Variants in OSBPL2 observed in about 807,000 individuals in gnomAD.
OSBPL2 encodes oxysterol-binding protein-related protein 2.
In OSBPL2, 18 loss-of-function variants were observed where a neutral mutation model predicts 58.4. The ratio of observed to expected loss-of-function variants is 0.31; its 90% CI spans 0.21 to 0.46. The LOEUF is 0.46. OSBPL2 is among the 20% of genes least tolerant of loss of function. OSBPL2 has a pLI of 1.00. For synonymous variants in OSBPL2, 221 were observed against 234.1 expected (o/e 0.94, Z 0.51); for missense variants, 461 against 616.5 (o/e 0.75, Z 2.67).
At chr20:62,255,913 A>T in intron 1 of OSBPL2, 144 bp from the exon 2 acceptor site, 1 of 392,868 alleles carries the variant, frequency 2.5e-6, no homozygotes. Flanking sequence ...TTTTGAAATT[A>T]TGTTTGTGAT....
intron 6 of OSBPL2, 126 bp downstream of exon 6, chr20:62,273,532 A>C: frequency 1.3e-6 from 1 of 796,420 alleles, no homozygotes; most frequent in Admixed American, 2.9e-5. Flanking sequence ...TTAAGAGCTC[A>C]CGAAAGCGTT....
At chr20:62,257,407 G>T (rs1039932012) in intron 2 of OSBPL2, among the ~76,000 whole-genome samples, 2 of 152,224 alleles carry the variant, frequency 1.3e-5, no homozygotes, top group African/African-American at 4.8e-5. Flanking sequence ...GGCTTCAAAG[G>T]CTCAATTTCG....
chr20:62,256,600 G>A (rs188957633), intron 2 of OSBPL2, among the ~76,000 whole-genome samples: 3 of 152,182 alleles, frequency 2.0e-5, no homozygotes, highest in South Asian at 2.1e-4. Context: ...CTGCAGCTGC[G>A]CTCACAGCCG....
At chr20:62,266,278 G>C (rs1981652337) in intron 4 of OSBPL2, among the ~76,000 whole-genome samples, 1 of 152,198 alleles carries the variant, frequency 6.6e-6, no homozygotes. Context: ...AAGGCGCTGG[G>C]AGGGGCCTTG....
At chr20:62,270,074 C>T (rs931854464) in intron 4 of OSBPL2, among the ~76,000 whole-genome samples, 7 of 152,218 alleles carry the variant, frequency 4.6e-5, no homozygotes, top group African/African-American at 7.2e-5. Flanking sequence ...TTGGGAACCT[C>T]GCGGCCCAGG....
chr20:62,285,600 T>C, intron 10 of OSBPL2: 1 of 152,410 alleles, frequency 6.6e-6, no homozygotes, highest in Non-Finnish European at 1.5e-5. Context: ...CTGCGCTATC[T>C]AGAAAGCTCT....
chr20:62,286,556 G>C lies in OSBPL2; in HGVS notation c.997-27G>C, dbSNP rs555232521. On this transcript the variant is annotated intron_variant, in intron 10 of 13. Transcript: ENST00000313733. ...GCCAAGAGCGGCCTGGCCCCGGGCAGCCACACAGCAGGGTTCTGTGTTTCA... is the reference window on the plus strand; with the variant it reads ...GCCAAGAGCGGCCTGGCCCCGGGCACCCACACAGCAGGGTTCTGTGTTTCA... 7.2e-4 allele frequency: 1,156 copies of C among 1,596,686 alleles called. 20 individuals carry two copies. In the South Asian group the frequency reaches 0.012, roughly 17 times the overall value.
intron 1 of OSBPL2, among the ~76,000 whole-genome samples, chr20:62,254,099 A>G (rs532576415): frequency 1.6e-4 from 25 of 152,024 alleles, no homozygotes; most frequent in Non-Finnish European, 3.2e-4. Context: ...CGCCCGGCCG[A>G]CTCACCCTTT....
At position 62,288,104 on chromosome 20, in the gene OSBPL2, A is replaced by AGTGT. The variant is rs1983249747; in HGVS notation, c.1126-1099_1126-1096dup. Among the ~76,000 whole-genome samples, 2 of 151,932 alleles carry AGTGT rather than the reference A, an allele frequency of 1.3e-5. No homozygotes were observed. The highest frequency in any genetic ancestry group is 2.9e-5 in the Non-Finnish European group (2 of 67,998). ...AGGGCAGAGACCCCTGGAGTAGACT[A>AGTGT]GTGTGTGAGGGCCCAGGGGGCCATG... On this transcript the variant is annotated intron_variant, in intron 11 of 13. Transcript: ENST00000313733. The surrounding 1 kb of genome is among the most constrained non-coding windows in gnomAD (Gnocchi z 4.8).
chr20:62,294,311 A>T lies in OSBPL2; in HGVS notation c.*424A>T, dbSNP rs1314727298. ...TTTTAAACTCGAACCAGTGGGGGAAAGATGGATCTTGAAGCTAATCCTGCA... is the reference window on the plus strand; with the variant it reads ...TTTTAAACTCGAACCAGTGGGGGAATGATGGATCTTGAAGCTAATCCTGCA... On this transcript the variant is annotated 3_prime_UTR_variant, in exon 14 of 14. Coordinates refer to ENST00000313733, the MANE Select transcript of OSBPL2 (RefSeq NM_144498.4). 5.8e-6 allele frequency: 1 copy of T among 171,642 alleles called. No individual in the cohort carries two copies. Among genetic ancestry groups the T allele is most frequent in the Non-Finnish European group, 1.2e-5 (1 of 80,194 alleles). The allele number at this position is 171,642 out of a possible 1,614,324, so 10.6% of individuals were successfully genotyped here.
chr20:62,240,174 G>A (rs1979627390), intron 1 of OSBPL2, among the ~76,000 whole-genome samples: 1 of 152,064 alleles, frequency 6.6e-6, no homozygotes, highest in Admixed American at 6.6e-5. Context: ...TTCTACCACA[G>A]TCTCTGACAC....
At chr20:62,273,435 T>C in intron 6 of OSBPL2, 29 bp downstream of exon 6, 1 of 1,481,848 alleles carries the variant, frequency 6.7e-7, no homozygotes, top group Non-Finnish European at 9.4e-7. Context: ...ATCATAAATA[T>C]CTTGTAAATG....
chr20:62,282,052 G>T (rs1340967176), intron 9 of OSBPL2, 173 bp downstream of exon 9: 3 of 459,280 alleles, frequency 6.5e-6, no homozygotes, highest in Admixed American at 3.6e-5. Flanking sequence ...AAGACATTTT[G>T]TTATTGAGCA....
At chr20:62,266,899 T>C (rs1320776955) in intron 4 of OSBPL2, among the ~76,000 whole-genome samples, 1 of 152,238 alleles carries the variant, frequency 6.6e-6, no homozygotes, top group Non-Finnish European at 1.5e-5. Flanking sequence ...GTCCTGTGTC[T>C]GGACCTTGTT....
intron 7 of OSBPL2, chr20:62,280,211 T>C: frequency 1.1e-6 from 1 of 915,112 alleles, no homozygotes; most frequent in Non-Finnish European, 1.5e-6. Context: ...AACGACACCT[T>C]GCCTGATGAA....
In OSBPL2 at chr20:62,286,171, G is replaced by A. The variant is rs555895894; in HGVS notation, c.997-412G>A. 1.1e-4 allele frequency: 20 copies of A among 174,696 alleles called. No homozygotes were observed. The East Asian group carries it at 2.6e-3, about 23-fold the overall frequency. 10.8% of individuals were successfully genotyped at this position (174,696 alleles called of 1,614,324 possible). A position where few individuals can be genotyped will look rare whatever the true frequency, so the allele number is the denominator to read the frequency against. On this transcript the variant is annotated intron_variant, in intron 10 of 13. Transcript: ENST00000313733. ...TCCTTAGTTTAAGAAAAAAAAGGCC[G>A]GGTGTGGTGGCTTACGCCTGTAATC... is the stretch of plus-strand genomic sequence containing the variant.
intron 1 of OSBPL2, among the ~76,000 whole-genome samples, chr20:62,244,247 C>T (rs761595461): frequency 3.3e-5 from 5 of 152,236 alleles, no homozygotes; most frequent in African/African-American, 4.8e-5. Flanking sequence ...CCGCGTCCTC[C>T]GCCTGCTGTG....
intron 2 of OSBPL2, among the ~76,000 whole-genome samples, chr20:62,258,411 A>G (rs1360858759): frequency 6.6e-6 from 1 of 152,198 alleles, no homozygotes; most frequent in Admixed American, 6.5e-5. Context: ...TAGGCATTTA[A>G]TTTGTCTTAA....
chr20:62,256,518 C>T (rs1420561981), intron 2 of OSBPL2, among the ~76,000 whole-genome samples: 1 of 152,168 alleles, frequency 6.6e-6, no homozygotes. Context: ...ATGATGAGAA[C>T]GTTCTAGATA....
Sources: allele counts gnomAD v4.1 joint callset (sites outside exome capture counted in the v4.1 genomes callset), GRCh38; gene constraint gnomAD v4.1.1; non-coding constraint Gnocchi (gnomAD v3.1); transcripts MANE v1.5; gene names NCBI Gene and HGNC (gene_info 2026-07-23, HGNC 2026-07-21).